RASGRF1: variants seen among roughly 807,000 people sequenced by gnomAD.
RASGRF1 encodes Ras protein specific guanine nucleotide releasing factor 1, also known as ras-specific guanine nucleotide-releasing factor 1.
Under a neutral mutation model 138.7 loss-of-function variants are expected in RASGRF1, and 40 were observed. That is an observed-to-expected ratio of 0.29 (90% CI 0.22 to 0.38). The LOEUF (loss-of-function observed/expected upper bound fraction) is 0.38. Ranked by LOEUF, RASGRF1 falls within the 10% of genes least tolerant of loss-of-function variation. RASGRF1 has a pLI of 1.00. For synonymous variants in RASGRF1, 614 were observed against 663.2 expected (o/e 0.93, Z 1.14); for missense variants, 1,108 against 1,650.4 (o/e 0.67, Z 5.69).
intron 8 of RASGRF1, 35 bp downstream of exon 8, chr15:79,031,365 C>T (rs376075506): frequency 5.2e-5 from 78 of 1,500,168 alleles, no homozygotes; most frequent in Admixed American, 1.3e-4. Context: ...CCTGCCCTGT[C>T]TGCCGGTCTG....
chr15:79,022,994 G>A lies in RASGRF1; in HGVS notation c.1542+2320C>T, dbSNP rs1030429692. ...TCGAGACCATCCTGGCTAACACGGT[G>A]AAACCCCATCTCTACTAAAAATACA... is the stretch of plus-strand genomic sequence containing the variant. On this transcript the variant is annotated intron_variant, in intron 10 of 26. Transcript: ENST00000558480. 1.4e-3 allele frequency among the ~76,000 whole-genome samples: 217 copies of A among 152,258 alleles called. 2 individuals carry two copies. The highest frequency in any genetic ancestry group is 2.4e-4 in the Non-Finnish European group (16 of 68,018).
At chr15:79,077,629 C>T (rs146782055) in intron 1 of RASGRF1, among the ~76,000 whole-genome samples, 3 of 152,138 alleles carry the variant, frequency 2.0e-5, no homozygotes, top group Non-Finnish European at 4.4e-5. Context: ...AGGGAGATGG[C>T]GTTTGTGGCA....
At chr15:78,969,836 G>A (rs1482178936) in intron 26 of RASGRF1, among the ~76,000 whole-genome samples, 6 of 151,950 alleles carry the variant, frequency 3.9e-5, no homozygotes, top group Non-Finnish European at 5.9e-5. Context: ...ACACAAGCTC[G>A]TGAGGGCCAA....
intron 13 of RASGRF1, among the ~76,000 whole-genome samples, chr15:79,014,066 TA>T (rs1567519331): frequency 6.6e-6 from 1 of 152,118 alleles, no homozygotes. Flanking sequence ...AGCACCATAA[TA>T]AAAAAAATTT....
chr15:78,989,971 C>T (rs769906528), intron 22 of RASGRF1: 6 of 563,970 alleles, frequency 1.1e-5, no homozygotes, highest in African/African-American at 9.4e-5. Flanking sequence ...GCAGTTAATC[C>T]TCCTATGACT....
intron 5 of RASGRF1, among the ~76,000 whole-genome samples, chr15:79,036,612 G>A (rs973080797): frequency 6.6e-6 from 1 of 152,194 alleles, no homozygotes; most frequent in Non-Finnish European, 1.5e-5. Context: ...GCATTGAGGC[G>A]GTGGGGGGCA....
chr15:78,980,327 T>G (rs1460862960), intron 24 of RASGRF1: 2 of 262,878 alleles, frequency 7.6e-6, no homozygotes, highest in Non-Finnish European at 1.4e-5. Context: ...ACGTGCATTT[T>G]AGAATCGAGA....
At chr15:79,010,804 G>T (rs1405600986) in intron 13 of RASGRF1, among the ~76,000 whole-genome samples, 2 of 152,212 alleles carry the variant, frequency 1.3e-5, no homozygotes, top group Admixed American at 1.3e-4. Context: ...GAGCCTGGCA[G>T]GTGGAAGGAG....
intron 4 of RASGRF1, among the ~76,000 whole-genome samples, chr15:79,048,397 G>T (rs112154349): frequency 7.9e-5 from 12 of 152,168 alleles, no homozygotes; most frequent in African/African-American, 2.9e-4. Context: ...GAGCTTGGCC[G>T]CCAGGGTTTG....
chr15:78,974,337 C>T (rs1567428459), intron 24 of RASGRF1, among the ~76,000 whole-genome samples: 1 of 152,304 alleles, frequency 6.6e-6, no homozygotes, highest in East Asian at 1.9e-4. Flanking sequence ...TGCAGTGACC[C>T]TTATTCCCAG....
intron 26 of RASGRF1, among the ~76,000 whole-genome samples, chr15:78,970,515 C>T (rs185693110): frequency 1.6e-4 from 23 of 144,534 alleles, no homozygotes; most frequent in East Asian, 4.5e-4. Context: ...CCCAGCTATG[C>T]GGGAGGCTGA....
intron 1 of RASGRF1, among the ~76,000 whole-genome samples, chr15:79,071,865 C>T (rs2057761093): frequency 6.6e-6 from 1 of 152,186 alleles, no homozygotes; most frequent in African/African-American, 2.4e-5. Flanking sequence ...TGGCTCCCTC[C>T]TCTTCTCCAG....
chr15:78,962,331 T>A (rs2055562257), intron 26 of RASGRF1, 95 bp from the exon 27 acceptor site: 1 of 907,434 alleles, frequency 1.1e-6, no homozygotes, highest in African/African-American at 1.7e-5. Context: ...CCAAGCCTCT[T>A]ACTGTGGAGA....
chr15:79,012,384 A>T, intron 13 of RASGRF1: 1 of 856,942 alleles, frequency 1.2e-6, no homozygotes, highest in Non-Finnish European at 1.9e-6. Context: ...CGCCTGGATT[A>T]CACAGATTCC....
intron 4 of RASGRF1, 84 bp from the exon 5 acceptor site, chr15:79,047,083 G>A: frequency 6.5e-7 from 1 of 1,527,554 alleles, no homozygotes; most frequent in Non-Finnish European, 8.8e-7. Flanking sequence ...CTCCCCAAGG[G>A]TAGGAACCAA....
rs34640990 is a variant in RASGRF1 at position 78,973,935 on chromosome 15, C to T, written c.3495-515G>A. On this transcript the variant is annotated intron_variant, in intron 24 of 26. Transcript: ENST00000558480. This position sits in a 1 kb window ranked among gnomAD's most constrained non-coding sequence, Gnocchi z 4.9. ...CCTGTCTCCACTGGCATCTCCCACC[C>T]ACCTAAGCACTGGGCTTGGGTGCCA... 0.45 allele frequency among the ~76,000 whole-genome samples: 69,115 copies of T among 152,090 alleles called. 18,523 individuals are homozygous for T. Among genetic ancestry groups the T allele is most frequent in the East Asian group, 0.67 (3,470 of 5,172 alleles).
intron 24 of RASGRF1, among the ~76,000 whole-genome samples, chr15:78,976,572 A>G (rs1037210919): frequency 6.6e-6 from 1 of 151,866 alleles, no homozygotes; most frequent in Middle Eastern, 3.4e-3. Flanking sequence ...ACACACACAC[A>G]CACACACACA....
At position 79,027,682 on chromosome 15, in the gene RASGRF1, C is replaced by T. The variant is rs1447081203; in HGVS notation, c.1381+59G>A. The T allele has an allele frequency of 5.2e-6, 8 of 1,532,330 alleles. No homozygotes were observed. The East Asian group carries it at 1.8e-4, about 35-fold the overall frequency. The allele number at this position is 1,532,330 out of a possible 1,614,324, so 94.9% of individuals were successfully genotyped here. A position where few individuals can be genotyped will look rare whatever the true frequency, so the allele number is the denominator to read the frequency against. ...TGGTGGCGTCCCCGAGTGCCGCCTC[C>T]CTCCCGCTGCTGGGGCCCACCTGGT... On this transcript the variant is annotated intron_variant, in intron 9 of 26. Transcript: ENST00000558480. This position sits in a 1 kb window ranked among gnomAD's most constrained non-coding sequence, Gnocchi z 4.8.
chr15:78,995,503 G>A (rs1356663244), intron 20 of RASGRF1, among the ~76,000 whole-genome samples: 2 of 152,004 alleles, frequency 1.3e-5, no homozygotes, highest in African/African-American at 2.4e-5. Flanking sequence ...TGGCCAGGCT[G>A]GTCTCCACCT....
Sources: allele counts gnomAD v4.1 joint callset (sites outside exome capture counted in the v4.1 genomes callset), GRCh38; gene constraint gnomAD v4.1.1; non-coding constraint Gnocchi (gnomAD v3.1); transcripts MANE v1.5; gene names NCBI Gene and HGNC (gene_info 2026-07-23, HGNC 2026-07-21).